GABBR2: variants seen among roughly 807,000 people sequenced by gnomAD.
GABBR2 encodes the protein G-protein coupled receptor 51.
Under a neutral mutation model 105.6 loss-of-function variants are expected in GABBR2, and 23 were observed. The ratio of observed to expected loss-of-function variants is 0.22; its 90% CI spans 0.16 to 0.31. The LOEUF (loss-of-function observed/expected upper bound fraction) is 0.31, where lower values mean the gene tolerates loss of function less well. GABBR2 is among the 10% of genes least tolerant of loss of function. The probability of loss-of-function intolerance (pLI) is 1.00; values close to 1 mark genes in which losing one functional copy is unlikely to be tolerated. For synonymous variants in GABBR2, 478 were observed against 499.7 expected (o/e 0.96, Z 0.58); for missense variants, 734 against 1,245.5 (o/e 0.59, Z 6.18).
chr9:98,410,067 C>T (rs1018910371), intron 7 of GABBR2, among the ~76,000 whole-genome samples: 19 of 152,076 alleles, frequency 1.2e-4, no homozygotes, highest in African/African-American at 4.3e-4. Flanking sequence ...GCCTGCAGTT[C>T]AGCCAGGGGA....
intron 7 of GABBR2, among the ~76,000 whole-genome samples, chr9:98,408,987 T>G (rs559941672): frequency 6.6e-6 from 1 of 152,096 alleles, no homozygotes; most frequent in Non-Finnish European, 1.5e-5. Context: ...TAGGGAAGAC[T>G]CCGCTCAAGA....
intron 8 of GABBR2, among the ~76,000 whole-genome samples, chr9:98,397,410 A>AT (rs139850810): frequency 0.1 from 15,762 of 150,928 alleles, 961 homozygotes; most frequent in African/African-American, 0.15. Context: ...AGATACAGAG[A>AT]TTTTTTTTTT....
intron 1 of GABBR2, among the ~76,000 whole-genome samples, chr9:98,663,657 TAAAAA>T (rs60374831): frequency 7.7e-6 from 1 of 130,236 alleles, no homozygotes; most frequent in Non-Finnish European, 1.6e-5. Flanking sequence ...GCTGCCCCAC[TAAAAA>T]AAAAAAAAAA....
chr9:98,323,330 G>T (rs114692778), intron 13 of GABBR2, among the ~76,000 whole-genome samples: 1 of 152,252 alleles, frequency 6.6e-6, no homozygotes, highest in African/African-American at 2.4e-5. Context: ...TCACCAGGGT[G>T]CTGTGCTAAT....
intron 1 of GABBR2, among the ~76,000 whole-genome samples, chr9:98,588,978 T>G (rs192876320): frequency 6.6e-6 from 1 of 152,250 alleles, no homozygotes; most frequent in East Asian, 1.9e-4. Flanking sequence ...AGAGAAACCA[T>G]CCCAAGGAGG....
chr9:98,655,893 G>A (rs976788672), intron 1 of GABBR2, among the ~76,000 whole-genome samples: 2 of 151,720 alleles, frequency 1.3e-5, no homozygotes, highest in East Asian at 3.9e-4. Context: ...TAGATCACGG[G>A]TTGATGGGTG....
chr9:98,304,858 C>T (rs973984000), intron 15 of GABBR2, among the ~76,000 whole-genome samples: 4 of 99,348 alleles, frequency 4.0e-5, no homozygotes, highest in Non-Finnish European at 6.2e-5. Context: ...ACAACCTCTG[C>T]TCCTCCAGGC....
At chr9:98,543,653 C>A (rs771088329) in intron 2 of GABBR2, among the ~76,000 whole-genome samples, 1 of 152,222 alleles carries the variant, frequency 6.6e-6, no homozygotes, top group South Asian at 2.1e-4. Context: ...GCTATCGCAC[C>A]CAGCTTCTTC....
Position 98,614,114 on chromosome 9 carries a change from G to A in GABBR2, c.322-36042C>T, listed in dbSNP as rs1829546386. Among the ~76,000 whole-genome samples the A allele has an allele frequency of 4.6e-5, 7 of 152,286 alleles. 1 individual carries two copies. In the South Asian group the frequency reaches 1.5e-3, roughly 32 times the overall value. On this transcript the variant is annotated intron_variant, in intron 1 of 18. Transcript: ENST00000259455. ...TTAGGATATATGCTAAAGTGTTAAG[G>A]ATATAACCACATCAGCAGAGGAAAA...
chr9:98,494,414 T>C (rs1827236268), intron 4 of GABBR2, among the ~76,000 whole-genome samples: 1 of 152,144 alleles, frequency 6.6e-6, no homozygotes, highest in Non-Finnish European at 1.5e-5. Context: ...TGTGCAGGTG[T>C]CTGGGTGAGG....
intron 1 of GABBR2, among the ~76,000 whole-genome samples, chr9:98,588,168 T>A (rs1270626916): frequency 6.6e-6 from 1 of 152,206 alleles, no homozygotes; most frequent in African/African-American, 2.4e-5. Context: ...CATCTGTGGG[T>A]GATTTTCTGA....
At position 98,532,255 on chromosome 9, in the gene GABBR2, C is replaced by T. The variant is rs143604650; in HGVS notation, c.630+9618G>A. 9.7e-3 allele frequency among the ~76,000 whole-genome samples: 1,485 copies of T among 152,340 alleles called. 11 individuals carry two copies. The highest frequency in any genetic ancestry group is 0.016 in the Non-Finnish European group (1,101 of 68,034). On this transcript the variant is annotated intron_variant, in intron 3 of 18. Transcript: ENST00000259455. The stretch of plus-strand genomic sequence containing the variant: ...AACAACCACCAAGGTCTGGACAGGA[C>T]AGATAAGAATCTTTTCCTGCTGGCT...
At chr9:98,625,255 A>T (rs1271322569) in intron 1 of GABBR2, among the ~76,000 whole-genome samples, 1 of 152,120 alleles carries the variant, frequency 6.6e-6, no homozygotes, top group East Asian at 1.9e-4. Context: ...CTACTCCCAC[A>T]TTTACTTCCA....
At chr9:98,529,394 G>A (rs1232532619) in intron 3 of GABBR2, among the ~76,000 whole-genome samples, 3 of 152,196 alleles carry the variant, frequency 2.0e-5, no homozygotes, top group Non-Finnish European at 2.9e-5. Flanking sequence ...TTGCTGACCT[G>A]GGAAAACATT....
intron 2 of GABBR2, among the ~76,000 whole-genome samples, chr9:98,574,617 C>T (rs904115345): frequency 2.7e-4 from 41 of 152,348 alleles, no homozygotes; most frequent in African/African-American, 9.9e-4. Context: ...TTTTAAGACA[C>T]TAAATTTGGG....
intron 1 of GABBR2, among the ~76,000 whole-genome samples, chr9:98,602,081 G>T (rs1207337498): frequency 6.6e-6 from 1 of 151,982 alleles, no homozygotes; most frequent in Non-Finnish European, 1.5e-5. Context: ...GCTCACTGCA[G>T]CCTCACCCTC....
intron 7 of GABBR2, among the ~76,000 whole-genome samples, chr9:98,410,558 C>T (rs1832571072): frequency 7.0e-6 from 1 of 142,696 alleles, no homozygotes; most frequent in African/African-American, 2.7e-5. Context: ...AGGGGAGCTA[C>T]GAGTAACTGC....
chr9:98,606,995 G>T, intron 1 of GABBR2: 4 of 877,758 alleles, frequency 4.6e-6, no homozygotes, highest in Non-Finnish European at 7.7e-6. Flanking sequence ...CATGTCGCTC[G>T]GTAGCTCAAC....
intron 14 of GABBR2, among the ~76,000 whole-genome samples, chr9:98,307,109 G>GT (rs1337570506): frequency 6.6e-6 from 1 of 152,160 alleles, no homozygotes; most frequent in African/African-American, 2.4e-5. Flanking sequence ...TGAGATTCTG[G>GT]GAGCCTTACC....
Sources: allele counts gnomAD v4.1 joint callset (sites outside exome capture counted in the v4.1 genomes callset), GRCh38; gene constraint gnomAD v4.1.1; transcripts MANE v1.5; gene names NCBI Gene and HGNC (gene_info 2026-07-23, HGNC 2026-07-21).